Variants in SEL1L2 observed in about 807,000 individuals in gnomAD.
SEL1L2 encodes the protein SEL1L2 adaptor subunit of SYVN1 ubiquitin ligase, also known as protein sel-1 homolog 2.
Under a neutral mutation model 98.8 loss-of-function variants are expected in SEL1L2, and 89 were observed. That is an observed-to-expected ratio of 0.90 (90% confidence interval 0.76 to 1.07). The LOEUF (loss-of-function observed/expected upper bound fraction) is 1.07. Ranked by LOEUF, SEL1L2 falls within the 50% of genes least tolerant of loss-of-function variation. SEL1L2 has a pLI of 0.00. For missense variants in SEL1L2, 788 were observed against 812.0 expected, an observed-to-expected ratio of 0.97 and a Z score of 0.36; for synonymous variants, 262 against 278.5, an observed-to-expected ratio of 0.94 and a Z score of 0.59.
intron 7 of SEL1L2, 25 bp from the exon 8 acceptor site, chr20:13,887,875 T>A: frequency 6.2e-7 from 1 of 1,606,320 alleles, no homozygotes; most frequent in South Asian, 1.1e-5. Context: ...GATGCATTCT[T>A]AATATTCAAG....
At chr20:13,981,390 G>GGTGACT (rs2051824946) in intron 1 of SEL1L2, among the ~76,000 whole-genome samples, 1 of 152,140 alleles carries the variant, frequency 6.6e-6, no homozygotes, top group Non-Finnish European at 1.5e-5. Flanking sequence ...TGCACAGCAT[G>GGTGACT]GTGACTATAG....
chr20:13,865,176 C>T lies in SEL1L2; in HGVS notation c.1636G>A (p.Ala546Thr). Residue 546 changes from alanine (A) to threonine (T), a missense_variant, in exon 17 of 20, where the codon GCC becomes ACC. Coordinates refer to ENST00000284951, the MANE Select transcript of SEL1L2 (RefSeq NM_025229.2). ...TATCTGGGTTCCATACCTTGAATGG[C>T]AGCTCGATTCCATAGGAGAAGCGCC... ...PMALLLWNRA[A>T]IQGNAFARVK... The T allele has an allele frequency of 6.2e-7, 1 of 1,611,902 alleles. No homozygotes were observed. The highest frequency in any genetic ancestry group is 8.5e-7 in the Non-Finnish European group (1 of 1,178,436).
intron 1 of SEL1L2, among the ~76,000 whole-genome samples, chr20:13,970,261 A>G (rs1185230076): frequency 1.3e-5 from 2 of 152,228 alleles, no homozygotes; most frequent in Non-Finnish European, 2.9e-5. Flanking sequence ...GTTGGAAGAC[A>G]GTTGTCTCTG....
At chr20:13,935,678 G>T (rs2049415484) in intron 2 of SEL1L2, among the ~76,000 whole-genome samples, 1 of 152,310 alleles carries the variant, frequency 6.6e-6, no homozygotes, top group African/African-American at 2.4e-5. Flanking sequence ...GCTGGGGCCA[G>T]GTTCAGGATT....
At chr20:13,975,711 G>A (rs960235496) in intron 1 of SEL1L2, among the ~76,000 whole-genome samples, 1 of 152,138 alleles carries the variant, frequency 6.6e-6, no homozygotes, top group East Asian at 1.9e-4. Context: ...AGATCTAAAA[G>A]GCAAGTACAA....
chr20:13,913,052 T>G (rs899764696), intron 5 of SEL1L2, among the ~76,000 whole-genome samples: 38 of 152,214 alleles, frequency 2.5e-4, no homozygotes, highest in African/African-American at 6.8e-4. Flanking sequence ...TAGGTCTGTC[T>G]GACTGCAAGT....
intron 1 of SEL1L2, among the ~76,000 whole-genome samples, chr20:13,985,961 A>G (rs781348594): frequency 6.6e-6 from 1 of 152,188 alleles, no homozygotes; most frequent in Non-Finnish European, 1.5e-5. Flanking sequence ...AAGGTTATCC[A>G]TATCATACTT....
intron 1 of SEL1L2, among the ~76,000 whole-genome samples, chr20:13,976,208 G>C (rs56865002): frequency 6.6e-6 from 1 of 151,890 alleles, no homozygotes; most frequent in African/African-American, 2.4e-5. Context: ...CTCCATGTTG[G>C]CCAGGCTGGT....
intron 4 of SEL1L2, among the ~76,000 whole-genome samples, chr20:13,915,880 C>T (rs966480976): frequency 2.0e-5 from 3 of 152,176 alleles, no homozygotes; most frequent in South Asian, 2.1e-4. Context: ...ATGGTCTCTA[C>T]AGGGTCTGGC....
intron 1 of SEL1L2, among the ~76,000 whole-genome samples, chr20:13,960,832 A>G (rs2050744639): frequency 6.6e-6 from 1 of 152,192 alleles, no homozygotes. Flanking sequence ...GAGGCTTTAA[A>G]AAATCTCCTT....
chr20:13,902,719 C>T (rs2148106158), intron 5 of SEL1L2, among the ~76,000 whole-genome samples: 2 of 140,262 alleles, frequency 1.4e-5, no homozygotes, highest in East Asian at 2.1e-4. Context: ...GAAGAAAAAA[C>T]GTCTGGTTTT....
intron 2 of SEL1L2, among the ~76,000 whole-genome samples, chr20:13,933,588 A>G (rs1568996052): frequency 1.3e-5 from 2 of 152,176 alleles, no homozygotes; most frequent in African/African-American, 4.8e-5. Flanking sequence ...ATGTTGTAGC[A>G]TATATCAGCA....
intron 1 of SEL1L2, among the ~76,000 whole-genome samples, chr20:13,989,775 C>T (rs1010075296): frequency 1.3e-5 from 2 of 152,118 alleles, no homozygotes; most frequent in African/African-American, 4.8e-5. Context: ...GGGTGGTAAA[C>T]CAATCTTACA....
At chr20:13,874,120 G>A (rs777972742) in intron 12 of SEL1L2, among the ~76,000 whole-genome samples, 37 of 152,248 alleles carry the variant, frequency 2.4e-4, no homozygotes, top group South Asian at 1.2e-3. Context: ...AGATGGGGAC[G>A]GGCCTGACAT....
chr20:13,965,902 G>A (rs930277782), intron 1 of SEL1L2, among the ~76,000 whole-genome samples: 6 of 146,822 alleles, frequency 4.1e-5, no homozygotes, highest in Middle Eastern at 3.4e-3. Context: ...ACAGTGAGCC[G>A]AAGTTGCACC....
intron 1 of SEL1L2, among the ~76,000 whole-genome samples, chr20:13,956,509 C>T (rs1569038794): frequency 6.6e-6 from 1 of 151,942 alleles, no homozygotes; most frequent in African/African-American, 2.4e-5. Flanking sequence ...GCTATTAAAA[C>T]ATAGAAGAGG....
intron 1 of SEL1L2, among the ~76,000 whole-genome samples, chr20:13,978,926 G>A (rs545147489): frequency 2.0e-5 from 3 of 152,106 alleles, no homozygotes; most frequent in East Asian, 3.9e-4. Flanking sequence ...AGGCATGATC[G>A]TGCACGCCTG....
intron 11 of SEL1L2, among the ~76,000 whole-genome samples, chr20:13,877,056 C>T (rs1197820625): frequency 6.6e-6 from 1 of 152,000 alleles, no homozygotes; most frequent in Non-Finnish European, 1.5e-5. Context: ...AACTCCTGAC[C>T]TCAAACAATC....
At chr20:13,913,676 G>A (rs1600723726) in intron 5 of SEL1L2, 106 bp downstream of exon 5, 1 of 1,060,516 alleles carries the variant, frequency 9.4e-7, no homozygotes, top group Non-Finnish European at 1.3e-6. Flanking sequence ...CCTAGACTGG[G>A]TTCATGCAGC....
Sources: allele counts gnomAD v4.1 joint callset (sites outside exome capture counted in the v4.1 genomes callset), GRCh38; gene constraint gnomAD v4.1.1; transcripts MANE v1.5; gene names NCBI Gene and HGNC (gene_info 2026-07-23, HGNC 2026-07-21).